The following KCNN2 variants were observed in gnomAD, a reference collection of about 807,000 sequenced individuals.
KCNN2 encodes small conductance calcium-activated potassium channel protein 2.
Under a neutral mutation model 55.5 loss-of-function variants are expected in KCNN2, and 24 were observed. The observed-to-expected ratio is 0.43, with a 90% CI of 0.31 to 0.61. The LOEUF (loss-of-function observed/expected upper bound fraction) is 0.61, where lower values mean the gene tolerates loss of function less well. Among genes scored for constraint, KCNN2 ranks in the 20% least tolerant of loss-of-function variants. The pLI is 0.08. For missense variants in KCNN2, 754 were observed against 853.6 expected (o/e 0.88, Z 1.45); for synonymous variants, 431 against 336.1 (o/e 1.28, Z -3.09).
intron 1 of KCNN2, among the ~76,000 whole-genome samples, chr5:114,118,128 AG>A (rs1184826861): frequency 6.6e-6 from 1 of 152,208 alleles, no homozygotes; most frequent in Non-Finnish European, 1.5e-5. Context: ...TGTACAAAGA[AG>A]GGTTACCTTT....
chr5:114,208,093 T>C (rs1010897986), intron 1 of KCNN2, among the ~76,000 whole-genome samples: 3 of 152,156 alleles, frequency 2.0e-5, no homozygotes, highest in African/African-American at 4.8e-5. Flanking sequence ...AGCTCAGGAA[T>C]TAAAACACAA....
chr5:114,076,812 G>A (rs1750692892), intron 1 of KCNN2, among the ~76,000 whole-genome samples: 9 of 152,108 alleles, frequency 5.9e-5, no homozygotes, highest in Admixed American at 5.9e-4. Context: ...TCCTGCCTCA[G>A]CCTCCTAAGT....
intron 3 of KCNN2, among the ~76,000 whole-genome samples, chr5:114,441,592 A>G (rs1034549403): frequency 4.6e-5 from 7 of 152,202 alleles, no homozygotes; most frequent in African/African-American, 1.4e-4. Context: ...TATTCCTAGG[A>G]AAAATGTCAT....
chr5:114,361,140 A>T (rs1235566836), upstream of KCNN2: 6 of 152,156 alleles, frequency 3.9e-5, no homozygotes, highest in Non-Finnish European at 8.8e-5. Context: ...TGTTCTGGAG[A>T]AGGCGCAAAT....
chr5:114,340,653 G>A (rs928381792), intron 2 of KCNN2, among the ~76,000 whole-genome samples: 2 of 113,868 alleles, frequency 1.8e-5, no homozygotes, highest in Non-Finnish European at 3.7e-5. Flanking sequence ...ACACCATTAT[G>A]GTGTGTGTGT....
In KCNN2 at chr5:114,092,279, A is replaced by G. The variant is rs370006860; in HGVS notation, c.-271+35779A>G. Among the ~76,000 whole-genome samples, 6 of 152,310 alleles carry G rather than the reference A, an allele frequency of 3.9e-5. No individual in the cohort carries two copies. The East Asian group carries it at 9.7e-4, about 25-fold the overall frequency. On this transcript the variant is annotated intron_variant, in intron 1 of 10. Coordinates refer to the KCNN2 transcript ENST00000512097. ...GTAGTCATTAAATCTTAAAGTTCCA[A>G]AATGATGTCCTTTGACTCCATGTCT...
At chr5:114,321,473 C>T (rs1240710751) in intron 2 of KCNN2, among the ~76,000 whole-genome samples, 5 of 152,148 alleles carry the variant, frequency 3.3e-5, no homozygotes, top group African/African-American at 1.2e-4. Flanking sequence ...ACTCTTTTGT[C>T]TATAAGTAGC....
chr5:114,170,825 C>T (rs1175792494), intron 1 of KCNN2, among the ~76,000 whole-genome samples: 2 of 151,966 alleles, frequency 1.3e-5, no homozygotes, highest in East Asian at 3.9e-4. Flanking sequence ...TGAATTCAGT[C>T]AGACCTTTAG....
intron 3 of KCNN2, among the ~76,000 whole-genome samples, chr5:114,443,811 TG>T (rs1288226260): frequency 6.6e-6 from 1 of 152,132 alleles, no homozygotes; most frequent in Non-Finnish European, 1.5e-5. Flanking sequence ...AGCCTGAACG[TG>T]TGTTTGGAAG....
chr5:114,183,938 G>C (rs1387293878), intron 1 of KCNN2, among the ~76,000 whole-genome samples: 2 of 151,976 alleles, frequency 1.3e-5, no homozygotes, highest in Non-Finnish European at 2.9e-5. Flanking sequence ...TGGAAAATCA[G>C]GACATTGAGT....
chr5:114,468,789 G>C (rs17458304), intron 4 of KCNN2, among the ~76,000 whole-genome samples: 5 of 152,086 alleles, frequency 3.3e-5, no homozygotes, highest in Non-Finnish European at 5.9e-5. Context: ...CCTTTCCACA[G>C]TGTGTTATGT....
chr5:114,153,948 C>G (rs1235629934), intron 1 of KCNN2, among the ~76,000 whole-genome samples: 2 of 152,120 alleles, frequency 1.3e-5, no homozygotes. Flanking sequence ...TTCTAGACAA[C>G]CCTCTCCTAA....
chr5:114,176,727 A>T lies in KCNN2; in HGVS notation c.-270-44753A>T, dbSNP rs182059798. Among the ~76,000 whole-genome samples, 42 of 152,328 alleles carry T rather than the reference A, an allele frequency of 2.8e-4. No homozygotes were observed. The East Asian group carries it at 4.2e-3, about 15-fold the overall frequency. On this transcript the variant is annotated intron_variant, in intron 1 of 10. Coordinates refer to the KCNN2 transcript ENST00000512097. ...AAGATGTTAAACTAATCCAAAGAGCATTTGAGAAGCTAGGTATTCATAAGC... is the reference window on the plus strand; with the variant it reads ...AAGATGTTAAACTAATCCAAAGAGCTTTTGAGAAGCTAGGTATTCATAAGC...
At chr5:114,301,052 A>ATT (rs10640846) in intron 2 of KCNN2, among the ~76,000 whole-genome samples, 7,159 of 150,016 alleles carry the variant, frequency 0.048, 215 homozygotes, top group African/African-American at 0.072. Flanking sequence ...TTTATTAAAT[A>ATT]TTTTTTTTTT....
In KCNN2 at chr5:114,078,956, A is replaced by G. The variant is rs111528393; in HGVS notation, c.-271+22456A>G. Reference sequence around the variant, plus strand: ...GTCATCATTTTTTTTGTATGTGTCTATCAACCATATTCAGTTGGAAATTGA... The same window carrying G: ...GTCATCATTTTTTTTGTATGTGTCTGTCAACCATATTCAGTTGGAAATTGA... On this transcript the variant is annotated intron_variant, in intron 1 of 10. Transcript: ENST00000512097. Among the ~76,000 whole-genome samples the G allele has an allele frequency of 3.7e-4, 56 of 152,256 alleles. 2 individuals carry two copies. Among genetic ancestry groups the G allele is most frequent in the African/African-American group, 1.3e-3 (54 of 41,568 alleles).
At chr5:114,477,880 A>T (rs1405503607) in intron 5 of KCNN2, among the ~76,000 whole-genome samples, 1 of 152,236 alleles carries the variant, frequency 6.6e-6, no homozygotes, top group African/African-American at 2.4e-5. Flanking sequence ...ATTCTCAATC[A>T]GATCCATAAT....
chr5:114,414,952 A>G (rs527768974), intron 3 of KCNN2, among the ~76,000 whole-genome samples: 2 of 152,276 alleles, frequency 1.3e-5, no homozygotes, highest in East Asian at 3.9e-4. Flanking sequence ...AACTTTCATC[A>G]TCTCCGTGCC....
chr5:114,387,708 G>T (rs367900159), intron 2 of KCNN2, among the ~76,000 whole-genome samples: 1 of 152,026 alleles, frequency 6.6e-6, no homozygotes, highest in East Asian at 1.9e-4. Flanking sequence ...GAGCCTCTTT[G>T]TTGTACATAA....
At chr5:114,358,067 T>C (rs1757331466), upstream of KCNN2, among the ~76,000 whole-genome samples, 1 of 151,830 alleles carries the variant, frequency 6.6e-6, no homozygotes, top group Admixed American at 6.6e-5. Flanking sequence ...TGAGCATTTT[T>C]TCATGTGTTT....
Sources: allele counts gnomAD v4.1 joint callset (sites outside exome capture counted in the v4.1 genomes callset), GRCh38; gene constraint gnomAD v4.1.1; transcripts MANE v1.5; gene names NCBI Gene and HGNC (gene_info 2026-07-23, HGNC 2026-07-21).